The following CCSER1 variants were observed in gnomAD, a reference collection of about 807,000 sequenced individuals.
CCSER1 encodes coiled-coil serine rich protein 1.
Under a neutral mutation model 82.0 loss-of-function variants are expected in CCSER1, and 41 were observed. That is an observed-to-expected ratio of 0.50 (90% CI 0.39 to 0.65). The LOEUF is 0.65. Among genes scored for constraint, CCSER1 ranks in the 30% least tolerant of loss-of-function variants. The probability of loss-of-function intolerance (pLI) is 0.00; values close to 1 mark genes in which losing one functional copy is unlikely to be tolerated. For synonymous variants in CCSER1, 414 were observed against 383.9 expected, an observed-to-expected ratio of 1.08 and a Z score of -0.92; for missense variants, 1,119 against 1,064.2, an observed-to-expected ratio of 1.05 and a Z score of -0.72.
chr4:90,242,255 C>T (rs536291487), intron 1 of CCSER1, among the ~76,000 whole-genome samples: 3 of 152,216 alleles, frequency 2.0e-5, no homozygotes, highest in East Asian at 1.9e-4. Flanking sequence ...TGCAGTGAGC[C>T]GAGATTGTGC....
At chr4:90,566,413 C>A (rs1779385505) in intron 5 of CCSER1, among the ~76,000 whole-genome samples, 2 of 147,500 alleles carry the variant, frequency 1.4e-5, no homozygotes, top group African/African-American at 5.0e-5. Flanking sequence ...CAGTTAGTAT[C>A]TTGATCTCCT....
At chr4:90,362,217 T>C (rs1457629757) in intron 3 of CCSER1, among the ~76,000 whole-genome samples, 2 of 152,178 alleles carry the variant, frequency 1.3e-5, no homozygotes, top group Non-Finnish European at 2.9e-5. Context: ...GAAATTTAAA[T>C]TTTGGACGAT....
rs1231736622 is a variant in CCSER1, at chr4:91,352,982, A to G, written c.2218-245590A>G. On this transcript the variant is annotated intron_variant, in intron 10 of 10. Coordinates refer to ENST00000509176, the MANE Select transcript of CCSER1 (RefSeq NM_001145065.2). The stretch of plus-strand genomic sequence containing the variant: ...ACAGTGTATGGGAAGAGGGTGAGAG[A>G]AAGCTGCATCAGATAGGGTGGCCAG... Among the ~76,000 whole-genome samples, 5 of 152,210 alleles carry G rather than the reference A, an allele frequency of 3.3e-5. No homozygotes were observed. In the East Asian group the frequency reaches 9.6e-4, roughly 29 times the overall value.
rs577838425 is a variant in CCSER1, at chr4:91,201,052, G to T, written c.2217+115058G>T. 8.5e-5 allele frequency among the ~76,000 whole-genome samples: 13 copies of T among 152,098 alleles called. 1 individual carries two copies. The South Asian group carries it at 2.7e-3, about 31-fold the overall frequency. On this transcript the variant is annotated intron_variant, in intron 10 of 10. Coordinates refer to ENST00000509176, the MANE Select transcript of CCSER1 (RefSeq NM_001145065.2). ...CTGACAGTTTACTATGTATCTGACT[G>T]TGTTAAACCCTATAGGTACCAGTCT... is the stretch of plus-strand genomic sequence containing the variant.
chr4:90,160,794 A>G (rs749863510), intron 1 of CCSER1, among the ~76,000 whole-genome samples: 6 of 152,186 alleles, frequency 3.9e-5, no homozygotes, highest in Non-Finnish European at 7.3e-5. Flanking sequence ...CATAGGAAGC[A>G]CTAAAGAAAA....
chr4:90,458,499 T>C (rs148300607), intron 4 of CCSER1, among the ~76,000 whole-genome samples: 2,731 of 152,196 alleles, frequency 0.018, 75 homozygotes, highest in African/African-American at 0.062. Context: ...ACTACAGACA[T>C]GTGCCACCAT....
At chr4:91,471,344 G>C (rs1354992957) in intron 10 of CCSER1, among the ~76,000 whole-genome samples, 1 of 152,106 alleles carries the variant, frequency 6.6e-6, no homozygotes, top group Non-Finnish European at 1.5e-5. Flanking sequence ...TTTACCATGA[G>C]TGTAATCTAC....
At chr4:90,656,737 T>A (rs1579756629) in intron 6 of CCSER1, among the ~76,000 whole-genome samples, 2 of 152,090 alleles carry the variant, frequency 1.3e-5, no homozygotes, top group African/African-American at 4.8e-5. Context: ...TTTTTGTATC[T>A]CCTTGAAATA....
intron 10 of CCSER1, among the ~76,000 whole-genome samples, chr4:91,096,748 G>A (rs1250065388): frequency 1.3e-5 from 2 of 151,890 alleles, no homozygotes; most frequent in African/African-American, 4.8e-5. Context: ...ATTTTGCCTG[G>A]CCCATGTTTT....
At chr4:90,154,924 G>A (rs749041777) in intron 1 of CCSER1, among the ~76,000 whole-genome samples, 4,406 of 152,086 alleles carry the variant, frequency 0.029, 98 homozygotes, top group South Asian at 0.059. Context: ...ATGTTGAATA[G>A]GAGTGGTGAG....
chr4:90,409,749 CATA>C (rs1274505753), intron 4 of CCSER1, among the ~76,000 whole-genome samples: 1 of 152,184 alleles, frequency 6.6e-6, no homozygotes, highest in Admixed American at 6.5e-5. Flanking sequence ...CAGCTAACAT[CATA>C]ATGACAGGAT....
In CCSER1 at chr4:90,308,346, G is replaced by A. The variant is rs368150393; in HGVS notation, c.62G>A (p.Ser21Asn). The change falls in exon 2 of 11, where the codon AGT (serine) becomes AAT (asparagine). Residue 21 changes from serine (S) to asparagine (N), a missense_variant. Ser to Asn is a conservative substitution (Grantham distance 46). Coordinates refer to ENST00000509176, the MANE Select transcript of CCSER1 (RefSeq NM_001145065.2). ...LVSRLPIFRR[S>N]INRRHDSLPS... Reference sequence around the variant, plus strand: ...TCCCGGTTGCCAATATTCAGAAGAAGTATTAACAGAAGACATGATTCTCTT... The same window carrying A: ...TCCCGGTTGCCAATATTCAGAAGAAATATTAACAGAAGACATGATTCTCTT... The A allele has an allele frequency of 4.3e-6, 7 of 1,612,236 alleles. No homozygotes were observed. Among genetic ancestry groups the A allele is most frequent in the Non-Finnish European group, 5.9e-6 (7 of 1,179,106 alleles).
intron 10 of CCSER1, among the ~76,000 whole-genome samples, chr4:91,446,718 A>G (rs1038586817): frequency 1.4e-4 from 20 of 146,552 alleles, no homozygotes; most frequent in African/African-American, 5.0e-4. Context: ...TTTTTACTTG[A>G]TATTATTTTT....
intron 10 of CCSER1, among the ~76,000 whole-genome samples, chr4:91,088,041 G>A (rs903556900): frequency 3.3e-5 from 5 of 152,162 alleles, no homozygotes; most frequent in South Asian, 2.1e-4. Flanking sequence ...GAAATGGGAC[G>A]TGTATGTATC....
chr4:90,867,026 G>A (rs1765821528), intron 8 of CCSER1, among the ~76,000 whole-genome samples: 1 of 152,056 alleles, frequency 6.6e-6, no homozygotes, highest in Non-Finnish European at 1.5e-5. Context: ...GTACAGGTCA[G>A]TGGCCTGGGG....
chr4:91,466,576 A>G (rs1005550941), intron 10 of CCSER1, among the ~76,000 whole-genome samples: 1 of 152,218 alleles, frequency 6.6e-6, no homozygotes, highest in Non-Finnish European at 1.5e-5. Context: ...CCCTCTTTGC[A>G]GATGACATGA....
At chr4:90,331,507 A>T (rs1442832021) in intron 3 of CCSER1, among the ~76,000 whole-genome samples, 1 of 152,218 alleles carries the variant, frequency 6.6e-6, no homozygotes, top group Non-Finnish European at 1.5e-5. Flanking sequence ...TGAAACATTT[A>T]GATTTCCTAC....
chr4:91,350,711 A>G (rs1391713157), intron 10 of CCSER1, among the ~76,000 whole-genome samples: 2 of 152,086 alleles, frequency 1.3e-5, no homozygotes, highest in Non-Finnish European at 2.9e-5. Context: ...TCTGAGATTT[A>G]GGAAAGGTAA....
At chr4:91,587,992 A>G (rs1047948948) in intron 10 of CCSER1, among the ~76,000 whole-genome samples, 12 of 151,632 alleles carry the variant, frequency 7.9e-5, no homozygotes, top group Non-Finnish European at 1.6e-4. Context: ...AGATATTAAT[A>G]AAATGAAAAT....
Sources: allele counts gnomAD v4.1 joint callset (sites outside exome capture counted in the v4.1 genomes callset), GRCh38; gene constraint gnomAD v4.1.1; transcripts MANE v1.5; gene names NCBI Gene and HGNC (gene_info 2026-07-23, HGNC 2026-07-21).